The following NEK1 variants were observed in gnomAD, a reference collection of about 807,000 sequenced individuals.
The protein encoded by NEK1 is serine/threonine-protein kinase Nek1.
NEK1 carries 137 observed loss-of-function variants against 182.1 expected under a neutral mutation model. That is an observed-to-expected ratio of 0.75 (90% CI 0.65 to 0.87). The LOEUF (loss-of-function observed/expected upper bound fraction) is 0.87. Among genes scored for constraint, NEK1 ranks in the 40% least tolerant of loss-of-function variants. NEK1 has a pLI of 0.00. For synonymous variants in NEK1, 513 were observed against 492.2 expected (o/e 1.04, Z -0.56); for missense variants, 1,391 against 1,494.4 (o/e 0.93, Z 1.14).
At chr4:169,602,436 T>G in intron 3 of NEK1, 78 bp downstream of exon 3, 1 of 829,642 alleles carries the variant, frequency 1.2e-6, no homozygotes, top group South Asian at 1.6e-5. Context: ...TTTTTTTTTT[T>G]TTTAAAGAAA....
chr4:169,404,977 G>A (rs1732335340), intron 32 of NEK1, among the ~76,000 whole-genome samples: 2 of 151,950 alleles, frequency 1.3e-5, no homozygotes, highest in African/African-American at 4.8e-5. Flanking sequence ...TGACACATGT[G>A]CACACACACA....
intron 10 of NEK1, among the ~76,000 whole-genome samples, chr4:169,582,438 T>C (rs1766811086): frequency 6.6e-6 from 1 of 152,188 alleles, no homozygotes; most frequent in South Asian, 2.1e-4. Flanking sequence ...TGATGCATGC[T>C]AAAGTTTGAG....
At chr4:169,411,379 T>G (rs2111169356) in intron 31 of NEK1, among the ~76,000 whole-genome samples, 1 of 152,010 alleles carries the variant, frequency 6.6e-6, no homozygotes, top group East Asian at 1.9e-4. Flanking sequence ...CAGGCTGGAG[T>G]GCAATGATGC....
In NEK1 at chr4:169,589,528, G is replaced by GA. The variant is rs199717920; in HGVS notation, c.397-15dup. On this transcript the variant is annotated splice_polypyrimidine_tract_variant and intron_variant, in intron 6 of 35. Coordinates refer to ENST00000507142, the MANE Select transcript of NEK1 (RefSeq NM_001199397.3). ...TAAAAATATGTTCTGTAAAAGACAGGAAAAAAAAAAACCCTAGAAATATTG... is the reference window on the plus strand; with the variant it reads ...TAAAAATATGTTCTGTAAAAGACAGGAAAAAAAAAAAACCCTAGAAATATTG... 0.071 allele frequency: 69,287 copies of GA among 981,458 alleles called. 1 individual carries two copies. Among genetic ancestry groups the GA allele is most frequent in the South Asian group, 0.1 (4,459 of 43,608 alleles). The allele number at this position is 981,458 out of a possible 1,614,324, so 60.8% of individuals were successfully genotyped here.
At chr4:169,394,600 T>C (rs1730390592) in intron 35 of NEK1, 77 bp from the exon 36 acceptor site, 3 of 834,080 alleles carry the variant, frequency 3.6e-6, no homozygotes, top group Non-Finnish European at 5.6e-6. Context: ...TTCTTGTTCA[T>C]GCTAAAGGAG....
intron 35 of NEK1, among the ~76,000 whole-genome samples, chr4:169,397,587 T>C (rs1730943857): frequency 1.3e-5 from 2 of 152,108 alleles, no homozygotes; most frequent in African/African-American, 2.4e-5. Flanking sequence ...TTTTCTAGGG[T>C]GAAGGAATTA....
chr4:169,482,000 T>A (rs1748123477), intron 23 of NEK1, among the ~76,000 whole-genome samples: 1 of 152,242 alleles, frequency 6.6e-6, no homozygotes, highest in African/African-American at 2.4e-5. Context: ...CTTAGCTATA[T>A]CTCCTGGATA....
At chr4:169,545,263 C>T (rs1201114120) in intron 18 of NEK1, among the ~76,000 whole-genome samples, 1 of 141,906 alleles carries the variant, frequency 7.0e-6, no homozygotes, top group Non-Finnish European at 1.5e-5. Context: ...TCCAGGTGAT[C>T]TCATTGTTCA....
chr4:169,461,498 T>C (rs1056524996), intron 27 of NEK1, among the ~76,000 whole-genome samples: 2 of 152,092 alleles, frequency 1.3e-5, no homozygotes, highest in Non-Finnish European at 2.9e-5. Context: ...TAAAGGCATA[T>C]AGTACTGATA....
At chr4:169,489,128 A>T (rs923500873) in intron 23 of NEK1, among the ~76,000 whole-genome samples, 4 of 152,190 alleles carry the variant, frequency 2.6e-5, no homozygotes, top group Non-Finnish European at 4.4e-5. Context: ...TTCCTTATGC[A>T]CAGCTCTGGA....
chr4:169,457,333 T>C (rs536506323), intron 27 of NEK1, among the ~76,000 whole-genome samples: 12 of 151,978 alleles, frequency 7.9e-5, no homozygotes, highest in African/African-American at 2.7e-4. Flanking sequence ...AATAAATATA[T>C]ACACCTACTA....
At chr4:169,606,259 T>C (rs1210689874) in intron 2 of NEK1, among the ~76,000 whole-genome samples, 1 of 147,628 alleles carries the variant, frequency 6.8e-6, no homozygotes, top group Non-Finnish European at 1.5e-5. Flanking sequence ...TTAAGCATAC[T>C]AGATTGACCC....
At chr4:169,581,711 G>GA (rs1766686453) in intron 10 of NEK1, among the ~76,000 whole-genome samples, 1 of 151,990 alleles carries the variant, frequency 6.6e-6, no homozygotes, top group Non-Finnish European at 1.5e-5. Flanking sequence ...TACCTATCTG[G>GA]AAAAATCTCT....
intron 2 of NEK1, among the ~76,000 whole-genome samples, chr4:169,611,158 C>A (rs968547665): frequency 1.3e-5 from 2 of 152,142 alleles, no homozygotes; most frequent in African/African-American, 4.8e-5. Flanking sequence ...TTAGACAGGG[C>A]AAAATTTACT....
intron 4 of NEK1, among the ~76,000 whole-genome samples, chr4:169,600,320 G>C (rs1770267386): frequency 6.6e-6 from 1 of 151,922 alleles, no homozygotes; most frequent in South Asian, 2.1e-4. Flanking sequence ...TTCCAGAGTA[G>C]GTGGAACCGC....
chr4:169,433,965 A>G (rs1384908413), intron 28 of NEK1, among the ~76,000 whole-genome samples: 1 of 152,128 alleles, frequency 6.6e-6, no homozygotes, highest in Non-Finnish European at 1.5e-5. Flanking sequence ...AAATTTTAGT[A>G]ATATGTAAAT....
intron 18 of NEK1, among the ~76,000 whole-genome samples, chr4:169,551,247 A>G (rs1761385540): frequency 6.6e-6 from 1 of 152,252 alleles, no homozygotes; most frequent in South Asian, 2.1e-4. Flanking sequence ...GCAATAAAAC[A>G]GGCACTATCA....
At chr4:169,602,420 G>A (rs182437872) in intron 3 of NEK1, 94 bp downstream of exon 3, 4 of 737,184 alleles carry the variant, frequency 5.4e-6, no homozygotes, top group Non-Finnish European at 9.2e-6. Context: ...TTAGGTTATC[G>A]ATTACTTTTT....
chr4:169,416,465 C>T (rs1734558277), intron 31 of NEK1, among the ~76,000 whole-genome samples: 1 of 152,216 alleles, frequency 6.6e-6, no homozygotes, highest in African/African-American at 2.4e-5. Context: ...TTATACTACT[C>T]ACCAAAGTAA....
Sources: gnomAD v4.1 joint callset for allele counts (sites outside exome capture counted in the v4.1 genomes callset) on GRCh38, gnomAD v4.1.1 for gene constraint, MANE v1.5 for transcripts, NCBI Gene and HGNC (gene_info 2026-07-23, HGNC 2026-07-21) for gene names.